CFAP58: variants seen among roughly 807,000 people sequenced by gnomAD.
CFAP58 encodes cilia and flagella associated protein 58, also known as cilia- and flagella-associated protein 58.
CFAP58 carries 88 observed loss-of-function variants against 119.5 expected under a neutral mutation model. The observed-to-expected ratio is 0.74, with a 90% CI of 0.62 to 0.88. The LOEUF (loss-of-function observed/expected upper bound fraction) is 0.88, where lower values mean the gene tolerates loss of function less well. Among genes scored for constraint, CFAP58 ranks in the 40% least tolerant of loss-of-function variants. CFAP58 has a pLI of 0.00. For synonymous variants in CFAP58, 365 were observed against 366.3 expected (o/e 1.00, Z 0.04); for missense variants, 990 against 1,021.2 (o/e 0.97, Z 0.42).
At chr10:104,444,459 C>T (rs560494210) in intron 15 of CFAP58, among the ~76,000 whole-genome samples, 31 of 152,268 alleles carry the variant, frequency 2.0e-4, no homozygotes, top group East Asian at 3.9e-4. Flanking sequence ...TAGAATTGCA[C>T]GCTTTGTCTC....
intron 9 of CFAP58, among the ~76,000 whole-genome samples, chr10:104,389,255 T>C (rs940776919): frequency 6.6e-6 from 1 of 152,210 alleles, no homozygotes; most frequent in Non-Finnish European, 1.5e-5. Flanking sequence ...ATTCCTTTTA[T>C]CTTCTTGGTG....
At chr10:104,363,014 AC>A (rs1439083628) in intron 3 of CFAP58, among the ~76,000 whole-genome samples, 1 of 152,138 alleles carries the variant, frequency 6.6e-6, no homozygotes, top group African/African-American at 2.4e-5. Flanking sequence ...CCCATGGTCA[AC>A]TTTTATGCCT....
intron 15 of CFAP58, among the ~76,000 whole-genome samples, chr10:104,434,541 T>G (rs553158587): frequency 4.6e-5 from 7 of 152,320 alleles, no homozygotes; most frequent in African/African-American, 1.7e-4. Context: ...ATCTGTGGAA[T>G]CCCAACATTC....
chr10:104,339,412 T>C, the CFAP58 span, among the ~76,000 whole-genome samples: 1 of 152,234 alleles, frequency 6.6e-6, no homozygotes, highest in Non-Finnish European at 1.5e-5. Flanking sequence ...CCATAACTTC[T>C]ATTGTCTTCC....
At chr10:104,377,515 A>G (rs1261274641) in intron 8 of CFAP58, among the ~76,000 whole-genome samples, 1 of 152,146 alleles carries the variant, frequency 6.6e-6, no homozygotes, top group Non-Finnish European at 1.5e-5. Context: ...GAGTTTTTCC[A>G]TTGAAAGTCA....
chr10:104,354,103 A>T (rs1413167747), intron 1 of CFAP58, among the ~76,000 whole-genome samples, 197 bp downstream of exon 1: 1 of 152,046 alleles, frequency 6.6e-6, no homozygotes, highest in African/African-American at 2.4e-5. Flanking sequence ...ATTTGTGTGG[A>T]CACCCCACTA....
At chr10:104,431,789 G>A (rs2012851815) in intron 15 of CFAP58, among the ~76,000 whole-genome samples, 2 of 152,080 alleles carry the variant, frequency 1.3e-5, no homozygotes, top group Non-Finnish European at 2.9e-5. Flanking sequence ...TTTACAATGT[G>A]TAAAATTACT....
upstream of CFAP58, chr10:104,353,095 A>G (rs2135236069): frequency 6.6e-6 from 1 of 152,294 alleles, no homozygotes; most frequent in South Asian, 2.1e-4. Context: ...ACCAAGGAGT[A>G]TAATTATTTC....
rs772866711 is a variant in CFAP58 at position 104,365,835 on chromosome 10, C to T, written c.619C>T (p.Arg207Cys). The T allele has an allele frequency of 3.6e-5, 58 of 1,611,280 alleles. No homozygotes were observed. Among genetic ancestry groups the T allele is most frequent in the Middle Eastern group, 3.3e-4 (2 of 6,048 alleles). Residue 207 changes from arginine to cysteine, a missense_variant, in exon 5 of 18, where the codon CGT (arginine) becomes TGT (cysteine). By Grantham distance (180) the Arg-to-Cys change is radical. Coordinates refer to ENST00000369704, the MANE Select transcript of CFAP58 (RefSeq NM_001008723.2). The stretch of plus-strand genomic sequence containing the variant: ...CTAGTTCCAACAAGAAATCCAGCAA[C>T]GTCAGAACGAAGCTTCCCGGGAGTT... Reference protein sequence around the residue: ...ISQFQQEIQQRQNEASREFRK... With the variant: ...ISQFQQEIQQCQNEASREFRK...
At chr10:104,447,612 C>T (rs1589939624) in intron 15 of CFAP58, 86 bp from the exon 16 acceptor site, 1 of 1,541,312 alleles carries the variant, frequency 6.5e-7, no homozygotes, top group East Asian at 2.3e-5. Flanking sequence ...GGGCCACTCC[C>T]AAATTGTGCT....
At chr10:104,426,294 T>C (rs1021488194) in intron 15 of CFAP58, among the ~76,000 whole-genome samples, 12 of 152,136 alleles carry the variant, frequency 7.9e-5, no homozygotes, top group African/African-American at 2.2e-4. Flanking sequence ...TGAATCCCTG[T>C]GAAGGTCAAG....
chr10:104,353,810 G>C, upstream of CFAP58: 1 of 1,508,226 alleles, frequency 6.6e-7, no homozygotes. Context: ...GAGACAGCGC[G>C]TCGCGCCTTT....
chr10:104,437,355 A>G (rs1009049868), intron 15 of CFAP58, among the ~76,000 whole-genome samples: 1 of 152,246 alleles, frequency 6.6e-6, no homozygotes, highest in Non-Finnish European at 1.5e-5. Context: ...TTGTTGTAAC[A>G]TAAAAATATT....
intron 15 of CFAP58, among the ~76,000 whole-genome samples, chr10:104,430,760 A>G (rs2012832398): frequency 6.6e-6 from 1 of 152,230 alleles, no homozygotes; most frequent in African/African-American, 2.4e-5. Flanking sequence ...CATGTGTGTG[A>G]TTTTAAATTT....
At chr10:104,361,587 A>G (rs2014666672) in intron 2 of CFAP58, among the ~76,000 whole-genome samples, 1 of 152,248 alleles carries the variant, frequency 6.6e-6, no homozygotes, top group African/African-American at 2.4e-5. Flanking sequence ...AAAGCACATA[A>G]ACTTTCATTT....
At chr10:104,402,260 A>G (rs2012279477) in intron 13 of CFAP58, among the ~76,000 whole-genome samples, 1 of 152,212 alleles carries the variant, frequency 6.6e-6, no homozygotes, top group Admixed American at 6.5e-5. Context: ...GCAGGCCGTC[A>G]AATACGGTAG....
intron 9 of CFAP58, among the ~76,000 whole-genome samples, chr10:104,386,485 CCTTT>C (rs2011927963): frequency 6.6e-6 from 1 of 152,070 alleles, no homozygotes; most frequent in Non-Finnish European, 1.5e-5. Flanking sequence ...AATAACCTTG[CCTTT>C]CTTTCAGGGA....
In CFAP58 at chr10:104,357,491, C is replaced by A. The variant is rs929644207; in HGVS notation, c.10-850C>A. ...GTCTGGCCTCAACACACCGTGGCCACCCCCCGCTGCCCTTTGCAGTCTTAG... is the reference window on the plus strand; with the variant it reads ...GTCTGGCCTCAACACACCGTGGCCAACCCCCGCTGCCCTTTGCAGTCTTAG... On this transcript the variant is annotated intron_variant, in intron 1 of 17. Coordinates refer to ENST00000369704, the MANE Select transcript of CFAP58 (RefSeq NM_001008723.2). Among the ~76,000 whole-genome samples the A allele has an allele frequency of 2.0e-5, 3 of 152,098 alleles. No homozygotes were observed. In the East Asian group the frequency reaches 5.8e-4, roughly 29 times the overall value.
At chr10:104,405,607 C>T (rs915632047) in intron 14 of CFAP58, among the ~76,000 whole-genome samples, 3 of 152,176 alleles carry the variant, frequency 2.0e-5, no homozygotes, top group Admixed American at 6.5e-5. Flanking sequence ...TTGAATTGTA[C>T]ACAACTAGTG....
Sources: gnomAD v4.1 joint callset for allele counts (sites outside exome capture counted in the v4.1 genomes callset) on GRCh38, gnomAD v4.1.1 for gene constraint, MANE v1.5 for transcripts, NCBI Gene and HGNC (gene_info 2026-07-23, HGNC 2026-07-21) for gene names.